The following DNAH11 variants were observed in gnomAD, a reference collection of about 807,000 sequenced individuals.
The protein encoded by DNAH11 is axonemal beta dynein heavy chain 11.
DNAH11 carries 442 observed loss-of-function variants against 526.0 expected under a neutral mutation model. That is an observed-to-expected ratio of 0.84 (90% CI 0.78 to 0.91). The LOEUF is 0.91. DNAH11 is among the 40% of genes least tolerant of loss of function. The pLI is 0.00. For missense variants in DNAH11, 6,989 were observed against 5,448.7 expected (o/e 1.28, Z -8.90); for synonymous variants, 2,461 against 1,935.9 (o/e 1.27, Z -7.12).
intron 68 of DNAH11, among the ~76,000 whole-genome samples, chr7:21,855,219 G>C (rs1782796620): frequency 6.6e-6 from 1 of 151,924 alleles, no homozygotes; most frequent in Admixed American, 6.6e-5. Context: ...TTTTAGAAGG[G>C]ATGGGGTTTC....
chr7:21,635,983 A>T lies in DNAH11; in HGVS notation c.4613A>T (p.Glu1538Val). The change falls in exon 26 of 82, where the codon GAA (glutamate) becomes GTA (valine). Residue 1538 changes from glutamate to valine, a missense_variant. Glu to Val is a moderately radical substitution (Grantham distance 121). Coordinates refer to ENST00000409508, the MANE Select transcript of DNAH11 (RefSeq NM_001277115.2). ...IADLVIFTWM[E>V]VQRTWSHLES... ...GACTTGGTCATCTTCACTTGGATGG[A>T]AGTCCAGCGAACTTGGTCTCACCTG... 6.2e-7 allele frequency: 1 copy of T among 1,613,736 alleles called. No individual in the cohort carries two copies. The highest frequency in any genetic ancestry group is 8.5e-7 in the Non-Finnish European group (1 of 1,179,770).
At chr7:21,742,321 C>T (rs1385289950) in intron 49 of DNAH11, among the ~76,000 whole-genome samples, 155 bp downstream of exon 49, 1 of 152,156 alleles carries the variant, frequency 6.6e-6, no homozygotes, top group Non-Finnish European at 1.5e-5. Context: ...GCAGGCTGTG[C>T]TAGCATGGCC....
chr7:21,807,237 G>A (rs1436604014), intron 62 of DNAH11, among the ~76,000 whole-genome samples: 2 of 152,170 alleles, frequency 1.3e-5, no homozygotes, highest in African/African-American at 2.4e-5. Flanking sequence ...GGTGGCTCAC[G>A]CCTGTAATCC....
At chr7:21,679,482 T>C (rs1783050714) in intron 30 of DNAH11, among the ~76,000 whole-genome samples, 2 of 152,208 alleles carry the variant, frequency 1.3e-5, no homozygotes, top group Admixed American at 1.3e-4. Flanking sequence ...AAATATCACG[T>C]TGTATACCTT....
At position 21,687,380 on chromosome 7, in the gene DNAH11, A is replaced by C; in HGVS notation, c.5779-2A>C. Reference sequence around the variant, plus strand: ...TTCTGAGTGCCTCACTTTATCATTTAGTCCATAGGCAATATCTATAAGGGA... The same window carrying C: ...TTCTGAGTGCCTCACTTTATCATTTCGTCCATAGGCAATATCTATAAGGGA... On this transcript the variant is annotated splice_acceptor_variant, in intron 33 of 81. Coordinates refer to ENST00000409508, the MANE Select transcript of DNAH11 (RefSeq NM_001277115.2). LOFTEE classifies it high-confidence loss of function. 6.2e-7 allele frequency: 1 copy of C among 1,601,796 alleles called. No homozygotes were observed. The highest frequency in any genetic ancestry group is 2.2e-5 in the East Asian group (1 of 44,674).
At chr7:21,795,236 T>C (rs768488481) in intron 61 of DNAH11, among the ~76,000 whole-genome samples, 1 of 152,184 alleles carries the variant, frequency 6.6e-6, no homozygotes. Context: ...ACAAAACCAG[T>C]TGGCTGCTAG....
At chr7:21,780,487 G>A (rs946842426) in intron 57 of DNAH11, among the ~76,000 whole-genome samples, 1 of 152,014 alleles carries the variant, frequency 6.6e-6, no homozygotes, top group Admixed American at 6.5e-5. Flanking sequence ...TATTTTTCAG[G>A]CATTACACAA....
chr7:21,840,133 A>G (rs942785777), intron 65 of DNAH11, among the ~76,000 whole-genome samples: 4 of 152,218 alleles, frequency 2.6e-5, no homozygotes, highest in African/African-American at 9.6e-5. Flanking sequence ...CACAGAAAAC[A>G]TTGCCACTTT....
chr7:21,545,390 C>T (rs967492413), intron 2 of DNAH11, among the ~76,000 whole-genome samples: 3 of 148,614 alleles, frequency 2.0e-5, no homozygotes, highest in African/African-American at 7.4e-5. Flanking sequence ...TGCTAATATT[C>T]AACAGGTGGC....
chr7:21,783,945 A>G (rs1334440321), intron 57 of DNAH11, among the ~76,000 whole-genome samples: 1 of 152,214 alleles, frequency 6.6e-6, no homozygotes, highest in African/African-American at 2.4e-5. Flanking sequence ...TCTTCTAGCC[A>G]GTTGATCAAA....
At chr7:21,551,277 A>G (rs1214792791) in intron 2 of DNAH11, among the ~76,000 whole-genome samples, 1 of 152,192 alleles carries the variant, frequency 6.6e-6, no homozygotes, top group Non-Finnish European at 1.5e-5. Context: ...TTCCTCGTCC[A>G]GGGAGGCTTG....
At chr7:21,578,081 C>T (rs1219937473) in intron 8 of DNAH11, among the ~76,000 whole-genome samples, 2 of 152,134 alleles carry the variant, frequency 1.3e-5, no homozygotes, top group African/African-American at 4.8e-5. Flanking sequence ...GGACCTTCTT[C>T]ACATAGTGTT....
chr7:21,622,778 A>T (rs1222617573), intron 25 of DNAH11, among the ~76,000 whole-genome samples: 2 of 152,338 alleles, frequency 1.3e-5, no homozygotes, highest in African/African-American at 4.8e-5. Flanking sequence ...TAGAAAGCTG[A>T]AACTGGATCC....
intron 30 of DNAH11, among the ~76,000 whole-genome samples, chr7:21,666,024 C>T (rs1306773366): frequency 1.3e-5 from 2 of 152,058 alleles, no homozygotes; most frequent in South Asian, 2.1e-4. Flanking sequence ...TTTAAATGAG[C>T]TTTAGTCATT....
intron 65 of DNAH11, among the ~76,000 whole-genome samples, chr7:21,820,366 T>C (rs1790002773): frequency 1.3e-5 from 2 of 151,746 alleles, no homozygotes; most frequent in Non-Finnish European, 2.9e-5. Flanking sequence ...TGGCAAGGAG[T>C]TGTCAGTTCC....
chr7:21,900,174 A>G, intron 81 of DNAH11, 54 bp downstream of exon 81: 3 of 1,554,616 alleles, frequency 1.9e-6, no homozygotes, highest in Non-Finnish European at 2.6e-6. Context: ...GGTTCAGATC[A>G]GTGTTTGTCC....
At position 21,736,433 on chromosome 7, in the gene DNAH11, A is replaced by G. The variant is rs147989876; in HGVS notation, c.7645+589A>G. 6.6e-4 allele frequency among the ~76,000 whole-genome samples: 101 copies of G among 152,248 alleles called. 1 individual carries two copies. The Middle Eastern group carries it at 0.01, about 15-fold the overall frequency. ...AGAGCTGATGTCGGAAGGCCAGTCA[A>G]TCTCCAGCAGGGAAAGGGGGCTCTG... On this transcript the variant is annotated intron_variant, in intron 46 of 81. Coordinates refer to ENST00000409508, the MANE Select transcript of DNAH11 (RefSeq NM_001277115.2).
At chr7:21,892,147 C>T (rs1310823004) in intron 76 of DNAH11, among the ~76,000 whole-genome samples, 1 of 152,064 alleles carries the variant, frequency 6.6e-6, no homozygotes, top group Non-Finnish European at 1.5e-5. Context: ...TGTGATGGCT[C>T]ATTCCTTTTG....
chr7:21,615,111 T>G lies in DNAH11; in HGVS notation c.3853-3T>G. ...TATGCAGGTGTTTATGTTCTCTCCT[T>G]AGGCAAATGAAGAGCTTGAGGCCTT... is the stretch of plus-strand genomic sequence containing the variant. On this transcript the variant is annotated splice_region_variant and splice_polypyrimidine_tract_variant and intron_variant, in intron 20 of 81. Coordinates refer to ENST00000409508, the MANE Select transcript of DNAH11 (RefSeq NM_001277115.2). 1 of 1,607,982 alleles carries G rather than the reference T, an allele frequency of 6.2e-7. No individual in the cohort carries two copies. Among genetic ancestry groups the G allele is most frequent in the Non-Finnish European group, 8.5e-7 (1 of 1,177,742 alleles).
Sources: allele counts gnomAD v4.1 joint callset (sites outside exome capture counted in the v4.1 genomes callset), GRCh38; gene constraint gnomAD v4.1.1; transcripts MANE v1.5; gene names NCBI Gene and HGNC (gene_info 2026-07-23, HGNC 2026-07-21).